NMNAT1: variants seen among roughly 807,000 people sequenced by gnomAD.
The protein encoded by NMNAT1 is nicotinamide nucleotide adenylyltransferase 1.
NMNAT1 carries 11 observed loss-of-function variants against 16.7 expected under a neutral mutation model. The ratio of observed to expected loss-of-function variants is 0.66; its 90% CI spans 0.41 to 1.09. The LOEUF (loss-of-function observed/expected upper bound fraction) is 1.09. NMNAT1 is among the 50% of genes least tolerant of loss of function. NMNAT1 has a pLI of 0.00. For synonymous variants in NMNAT1, 110 were observed against 119.8 expected (o/e 0.92, Z 0.53); for missense variants, 280 against 332.3 (o/e 0.84, Z 1.22).
chr1:9,959,356 A>G (rs192473600), intron 1 of NMNAT1, among the ~76,000 whole-genome samples: 152 of 120,982 alleles, frequency 1.3e-3, no homozygotes, highest in African/African-American at 4.7e-3. Flanking sequence ...AGGGGACAAG[A>G]GTGAAACTCC....
chr1:9,964,160 GGGATTACA>G (rs1290181432), intron 1 of NMNAT1, among the ~76,000 whole-genome samples: 1 of 151,874 alleles, frequency 6.6e-6, no homozygotes, highest in Non-Finnish European at 1.5e-5. Context: ...CCAAAGTGCA[GGGATTACA>G]GGTGTGAGCT....
At chr1:9,956,170 CTTTTT>C (rs113840450) in intron 1 of NMNAT1, among the ~76,000 whole-genome samples, 3 of 133,996 alleles carry the variant, frequency 2.2e-5, no homozygotes, top group Admixed American at 7.6e-5. Flanking sequence ...TGTTTCTTTT[CTTTTT>C]TTTTTTTTTT....
At chr1:9,959,462 C>T (rs1451946835) in intron 1 of NMNAT1, among the ~76,000 whole-genome samples, 1 of 149,898 alleles carries the variant, frequency 6.7e-6, no homozygotes, top group Non-Finnish European at 1.5e-5. Context: ...GTAGGCAGAT[C>T]ATGAGGTCAG....
rs895484716 is a variant in NMNAT1, at chr1:9,974,001, C to T, written c.116-1591C>T. On this transcript the variant is annotated intron_variant, in intron 2 of 4. Transcript: ENST00000377205. ...TACAGGCACACAGCACCATGCCCGG[C>T]CCATTTTTGTATTTTTAGTAGAAAT... 9.2e-5 allele frequency among the ~76,000 whole-genome samples: 14 copies of T among 152,040 alleles called. No homozygotes were observed. In the South Asian group the frequency reaches 2.9e-3, roughly 32 times the overall value.
chr1:9,948,155 C>T (rs1253382717), intron 1 of NMNAT1, among the ~76,000 whole-genome samples: 4 of 152,256 alleles, frequency 2.6e-5, no homozygotes, highest in Admixed American at 1.3e-4. Context: ...TAGGTAACCT[C>T]TCCAGATGAG....
downstream of NMNAT1, among the ~76,000 whole-genome samples, chr1:9,987,770 G>C (rs770970784): frequency 1.9e-4 from 29 of 152,228 alleles, no homozygotes; most frequent in Non-Finnish European, 3.4e-4. Flanking sequence ...TGGAGGCGTA[G>C]TGAGCTGTGA....
chr1:9,995,232 T>C, the NMNAT1 span, among the ~76,000 whole-genome samples: 2 of 152,044 alleles, frequency 1.3e-5, no homozygotes, highest in Non-Finnish European at 2.9e-5. Flanking sequence ...ACTCCATCTC[T>C]ATAAAAAATT....
At chr1:9,989,225 G>A (rs1008088330), downstream of NMNAT1, among the ~76,000 whole-genome samples, 1 of 152,028 alleles carries the variant, frequency 6.6e-6, no homozygotes, top group African/African-American at 2.4e-5. Flanking sequence ...TTGGAGGCCA[G>A]GGCGGGCAGA....
At chr1:9,962,193 A>G (rs1641428255) in intron 1 of NMNAT1, among the ~76,000 whole-genome samples, 1 of 151,868 alleles carries the variant, frequency 6.6e-6, no homozygotes, top group Non-Finnish European at 1.5e-5. Context: ...CTCAAAAATA[A>G]CAGCTGCCGC....
Position 9,982,503 on chromosome 1 carries a change from T to C in NMNAT1, c.642T>C (p.Asn214=), listed in dbSNP as rs1641970924. The part of the protein sequence containing the change: ...WKHRSNIHVV[N]EWIANDISST... The stretch of plus-strand genomic sequence containing the variant: ...ACCGGAGCAACATTCACGTGGTGAA[T>C]GAATGGATCGCTAATGACATCTCAT... The change falls in exon 5 of 5, where the codon AAT becomes AAC. Residue 214 remains asparagine (N), a synonymous_variant. Coordinates refer to ENST00000377205, the MANE Select transcript of NMNAT1 (RefSeq NM_022787.4). 1 of 1,614,040 alleles carries C rather than the reference T, an allele frequency of 6.2e-7. No homozygotes were observed. The highest frequency in any genetic ancestry group is 1.7e-5 in the Admixed American group (1 of 59,964).
intron 1 of NMNAT1, among the ~76,000 whole-genome samples, chr1:9,945,417 T>C (rs1218623013): frequency 6.6e-6 from 1 of 152,140 alleles, no homozygotes; most frequent in African/African-American, 2.4e-5. Context: ...AAAAATTATT[T>C]GAGCTGGGTG....
At position 9,968,186 on chromosome 1, in the gene NMNAT1, C is replaced by T. The variant is rs1038527081; in HGVS notation, c.-56-3832C>T. ...TCCTGGGTTCACGCCGTTCTCCTGC[C>T]TCAGCCTCCCGAGTAGCTGGGACTA... On this transcript the variant is annotated intron_variant, in intron 1 of 4. Coordinates refer to ENST00000377205, the MANE Select transcript of NMNAT1 (RefSeq NM_022787.4). 2.0e-5 allele frequency among the ~76,000 whole-genome samples: 3 copies of T among 150,984 alleles called. No individual in the cohort carries two copies. The South Asian group carries it at 6.3e-4, about 32-fold the overall frequency.
chr1:9,948,651 AT>A lies in NMNAT1; in HGVS notation c.-57+5151del, dbSNP rs748173364. 7.2e-3 allele frequency among the ~76,000 whole-genome samples: 1,037 copies of A among 143,560 alleles called. 5 individuals are homozygous for A. Among genetic ancestry groups the A allele is most frequent in the African/African-American group, 0.013 (517 of 39,376 alleles). The allele number at this position is 143,560 out of a possible 152,430, so 94.2% of individuals were successfully genotyped here. ...TAGTCCCTAACAAAAATACTTCAGA[AT>A]TTTTTTTTTTTTTTGAGACAGAGTT... On this transcript the variant is annotated intron_variant, in intron 1 of 4. Transcript: ENST00000377205.
chr1:9,969,652 G>T (rs558061253), intron 1 of NMNAT1, among the ~76,000 whole-genome samples: 1 of 152,300 alleles, frequency 6.6e-6, no homozygotes, highest in South Asian at 2.1e-4. Context: ...TTGGGAGGCT[G>T]AGGCAGGAGA....
At chr1:9,989,876 T>A (rs1244890199), downstream of NMNAT1, among the ~76,000 whole-genome samples, 1 of 152,012 alleles carries the variant, frequency 6.6e-6, no homozygotes, top group East Asian at 1.9e-4. Flanking sequence ...GCTTCAGGGG[T>A]TGCAGGCACC....
chr1:9,983,746 G>T lies in NMNAT1; in HGVS notation c.*1045G>T, dbSNP rs1015693315. On this transcript the variant is annotated 3_prime_UTR_variant, in exon 5 of 5. Transcript: ENST00000377205. Reference sequence around the variant, plus strand: ...GGAGCCTCAAATCATACAGATGAGGGTCATTTTCTCCTCCTTAGCTTCTTG... The same window carrying T: ...GGAGCCTCAAATCATACAGATGAGGTTCATTTTCTCCTCCTTAGCTTCTTG... 13 of 152,138 alleles carry T rather than the reference G, an allele frequency of 8.5e-5. No homozygotes were observed. Among genetic ancestry groups the T allele is most frequent in the African/African-American group, 2.7e-4 (11 of 41,444 alleles). 9.4% of individuals were successfully genotyped at this position (152,138 alleles called of 1,614,324 possible). A position where few individuals can be genotyped will look rare whatever the true frequency, so the allele number is the denominator to read the frequency against.
At chr1:9,980,802 GC>G (rs1480333186) in intron 3 of NMNAT1, among the ~76,000 whole-genome samples, 1 of 151,346 alleles carries the variant, frequency 6.6e-6, no homozygotes, top group Non-Finnish European at 1.5e-5. Flanking sequence ...GATTACAGGT[GC>G]CCGCCACCAC....
At chr1:9,976,074 G>T (rs1641806119) in intron 3 of NMNAT1, among the ~76,000 whole-genome samples, 2 of 152,072 alleles carry the variant, frequency 1.3e-5, no homozygotes, top group African/African-American at 4.8e-5. Context: ...ATCAGCTGAG[G>T]TCAGGAGTTC....
intron 1 of NMNAT1, among the ~76,000 whole-genome samples, chr1:9,956,090 C>G (rs762933854): frequency 4.0e-5 from 6 of 151,890 alleles, no homozygotes; most frequent in African/African-American, 1.2e-4. Context: ...TAAATAAATG[C>G]TACAAAATAG....
Sources: gnomAD v4.1 joint callset for allele counts (sites outside exome capture counted in the v4.1 genomes callset) on GRCh38, gnomAD v4.1.1 for gene constraint, MANE v1.5 for transcripts, NCBI Gene and HGNC (gene_info 2026-07-23, HGNC 2026-07-21) for gene names.